The following CAPZA2 variants were observed in gnomAD, a reference collection of about 807,000 sequenced individuals.
CAPZA2 encodes F-actin-capping protein subunit alpha-2.
CAPZA2 carries 13 observed loss-of-function variants against 44.0 expected under a neutral mutation model. That is an observed-to-expected ratio of 0.30 (90% CI 0.19 to 0.47). CAPZA2 has a LOEUF of 0.47. CAPZA2 is among the 20% of genes least tolerant of loss of function. CAPZA2 has a pLI of 1.00. For synonymous variants in CAPZA2, 94 were observed against 108.2 expected, an observed-to-expected ratio of 0.87 and a Z score of 0.81; for missense variants, 244 against 338.6, an observed-to-expected ratio of 0.72 and a Z score of 2.19.
At position 116,891,001 on chromosome 7, in the gene CAPZA2, G is replaced by C. The variant is rs528754167; in HGVS notation, c.104-1993G>C. Among the ~76,000 whole-genome samples, 5 of 152,124 alleles carry C rather than the reference G, an allele frequency of 3.3e-5. No individual in the cohort carries two copies. In the South Asian group the frequency reaches 8.3e-4, roughly 25 times the overall value. On this transcript the variant is annotated intron_variant, in intron 2 of 9. Transcript: ENST00000361183. ...ACTGTGTTAGAATCATCGAAACATG[G>C]ATTTCTGGTCTTCATTCTCAAACAT...
At chr7:116,866,209 G>A (rs904072789) in intron 1 of CAPZA2, among the ~76,000 whole-genome samples, 8 of 146,654 alleles carry the variant, frequency 5.5e-5, no homozygotes, top group African/African-American at 1.3e-4. Context: ...TTTTTGAGAC[G>A]GAGTCTCGCT....
In CAPZA2 at chr7:116,876,853, A is replaced by G. The variant is rs527659872; in HGVS notation, c.40-11274A>G. Among the ~76,000 whole-genome samples the G allele has an allele frequency of 2.4e-4, 36 of 152,326 alleles. No individual in the cohort carries two copies. In the South Asian group the frequency reaches 6.8e-3, roughly 29 times the overall value. ...GAGACAGCACACCACGCAGGCCCACATGGGAGTTGTGCTTGAGGACGGAGT... is the reference window on the plus strand; with the variant it reads ...GAGACAGCACACCACGCAGGCCCACGTGGGAGTTGTGCTTGAGGACGGAGT... On this transcript the variant is annotated intron_variant, in intron 1 of 9. Transcript: ENST00000361183.
chr7:116,908,102 A>G (rs1791541337), intron 6 of CAPZA2, among the ~76,000 whole-genome samples: 1 of 151,650 alleles, frequency 6.6e-6, no homozygotes, highest in Admixed American at 6.6e-5. Context: ...CTAGGAAAAA[A>G]AAAAAAAAAT....
chr7:116,917,924 A>G lies in CAPZA2; in HGVS notation c.*57A>G. 6.8e-7 allele frequency: 1 copy of G among 1,468,322 alleles called. No individual in the cohort carries two copies. The highest frequency in any genetic ancestry group is 9.5e-7 in the Non-Finnish European group (1 of 1,050,484). 91.0% of individuals were successfully genotyped at this position (1,468,322 alleles called of 1,614,324 possible). A position where few individuals can be genotyped will look rare whatever the true frequency, so the allele number is the denominator to read the frequency against. Reference sequence around the variant, plus strand: ...GTCTTTGCGTTAAAAAATCATTGCAAAAGTATTCTGAACTGTCAAGCTGCC... The same window carrying G: ...GTCTTTGCGTTAAAAAATCATTGCAGAAGTATTCTGAACTGTCAAGCTGCC... On this transcript the variant is annotated 3_prime_UTR_variant, in exon 10 of 10. Transcript: ENST00000361183.
chr7:116,863,393 T>C (rs1796443069), intron 1 of CAPZA2, among the ~76,000 whole-genome samples: 4 of 152,082 alleles, frequency 2.6e-5, no homozygotes, highest in Admixed American at 6.5e-5. Flanking sequence ...CGGGGGTCGA[T>C]TTGGTGGCAC....
In CAPZA2 at chr7:116,912,119, A is replaced by G. The variant is rs974998842; in HGVS notation, c.636A>G (p.Ile212Met). 5 of 1,612,988 alleles carry G rather than the reference A, an allele frequency of 3.1e-6. No individual in the cohort carries two copies. In the African/African-American group the frequency reaches 4.0e-5, roughly 13 times the overall value. Reference sequence around the variant, plus strand: ...TTCAGCTAGTGAGTCATAAAGATATACAAGATTCCCTAACAGTGTCTGTAA... The same window carrying G: ...TTCAGCTAGTGAGTCATAAAGATATGCAAGATTCCCTAACAGTGTCTGTAA... Reference protein sequence around the residue: ...GNVQLVSHKDIQDSLTVSNEV... With the variant: ...GNVQLVSHKDMQDSLTVSNEV... The change falls in exon 8 of 10, where the codon ATA becomes ATG. Residue 212 changes from isoleucine (I) to methionine (M), a missense_variant. By Grantham distance (10) the Ile-to-Met change is conservative. Coordinates refer to ENST00000361183, the MANE Select transcript of CAPZA2 (RefSeq NM_006136.3).
chr7:116,896,172 T>C (rs190120828), intron 3 of CAPZA2, among the ~76,000 whole-genome samples: 116 of 152,260 alleles, frequency 7.6e-4, no homozygotes, highest in South Asian at 3.1e-3. Context: ...TCTCCTTTTT[T>C]TTTCTTTGCC....
chr7:116,881,042 T>G (rs899142900), intron 1 of CAPZA2, among the ~76,000 whole-genome samples: 2 of 152,054 alleles, frequency 1.3e-5, no homozygotes, highest in African/African-American at 4.8e-5. Context: ...GTGAGGAGGA[T>G]TAGAATATTA....
chr7:116,916,137 A>G lies in CAPZA2; in HGVS notation c.720+15A>G. On this transcript the variant is annotated intron_variant, in intron 9 of 9. Transcript: ENST00000361183. The stretch of plus-strand genomic sequence containing the variant: ...ATGAATACCAGGTATGATTTTTTAA[A>G]TATTATATAAGCTACACTCACATAT... 6.5e-7 allele frequency: 1 copy of G among 1,529,242 alleles called. No homozygotes were observed. Among genetic ancestry groups the G allele is most frequent in the Non-Finnish European group, 8.7e-7 (1 of 1,143,964 alleles). The allele number at this position is 1,529,242 out of a possible 1,614,324, so 94.7% of individuals were successfully genotyped here. A position where few individuals can be genotyped will look rare whatever the true frequency, so the allele number is the denominator to read the frequency against.
chr7:116,873,558 T>C (rs940466812), intron 1 of CAPZA2: 2 of 153,396 alleles, frequency 1.3e-5, no homozygotes, highest in Non-Finnish European at 2.9e-5. Context: ...TTTGAAAACA[T>C]GTTGCCAAAT....
intron 3 of CAPZA2, among the ~76,000 whole-genome samples, chr7:116,894,342 CAG>C (rs1441968356): frequency 1.5e-5 from 2 of 130,256 alleles, no homozygotes; most frequent in African/African-American, 3.0e-5. Flanking sequence ...AGCCTGGTGA[CAG>C]AGCAAGACTC....
intron 6 of CAPZA2, chr7:116,906,601 C>G (rs190465196): frequency 2.6e-6 from 1 of 385,678 alleles, no homozygotes; most frequent in Non-Finnish European, 4.3e-6. Flanking sequence ...TGTGTGCCTG[C>G]GAGAACACCA....
At chr7:116,886,987 A>G (rs1045580008) in intron 1 of CAPZA2, among the ~76,000 whole-genome samples, 9 of 152,218 alleles carry the variant, frequency 5.9e-5, no homozygotes, top group African/African-American at 1.9e-4. Flanking sequence ...TTGATGTTCA[A>G]TCTCCTACTT....
chr7:116,878,291 A>G (rs1156844577), intron 1 of CAPZA2, among the ~76,000 whole-genome samples: 3 of 152,240 alleles, frequency 2.0e-5, no homozygotes, highest in South Asian at 2.1e-4. Flanking sequence ...GAATCGTCAT[A>G]GAAGACTTAC....
chr7:116,870,595 C>T lies in CAPZA2; in HGVS notation c.39+7945C>T, dbSNP rs1316499998. On this transcript the variant is annotated intron_variant, in intron 1 of 9. Coordinates refer to ENST00000361183, the MANE Select transcript of CAPZA2 (RefSeq NM_006136.3). ...CATCCTTAGCCCACATGATATGCCA[C>T]TACCATAACCCAGGCTTACCAATCC... is the stretch of plus-strand genomic sequence containing the variant. Among the ~76,000 whole-genome samples, 6 of 152,272 alleles carry T rather than the reference C, an allele frequency of 3.9e-5. No homozygotes were observed. In the South Asian group the frequency reaches 1.0e-3, roughly 26 times the overall value.
chr7:116,915,936 T>C (rs1791673348), intron 8 of CAPZA2, 124 bp from the exon 9 acceptor site: 3 of 645,920 alleles, frequency 4.6e-6, no homozygotes, highest in Non-Finnish European at 7.2e-6. Context: ...TTACAATATT[T>C]ATTCTATGTC....
intron 1 of CAPZA2, chr7:116,874,058 T>G (rs943230004): frequency 1.3e-5 from 2 of 153,050 alleles, no homozygotes; most frequent in African/African-American, 4.8e-5. Flanking sequence ...CCATTAAAAG[T>G]ACTAGATGTT....
At chr7:116,917,207 T>C (rs1381305877) in intron 9 of CAPZA2, among the ~76,000 whole-genome samples, 1 of 152,162 alleles carries the variant, frequency 6.6e-6, no homozygotes, top group Non-Finnish European at 1.5e-5. Flanking sequence ...ATTAAGTTTA[T>C]TCAAAATTAT....
chr7:116,890,524 AAATATATATATATATATATATATATATAT>A (rs1796820745), intron 2 of CAPZA2, among the ~76,000 whole-genome samples: 1 of 29,820 alleles, frequency 3.4e-5, no homozygotes, highest in Non-Finnish European at 5.4e-5. Flanking sequence ...AAAAAAAAAA[AAATATATATATATATATATATATATATAT>A]ATATATATAT....
Sources: allele counts gnomAD v4.1 joint callset (sites outside exome capture counted in the v4.1 genomes callset), GRCh38; gene constraint gnomAD v4.1.1; transcripts MANE v1.5; gene names NCBI Gene and HGNC (gene_info 2026-07-23, HGNC 2026-07-21).